Variants in ACSL5 observed in about 807,000 individuals in gnomAD.
ACSL5 encodes acyl-CoA synthetase long chain family member 5.
A neutral mutation model predicts 84.9 loss-of-function variants in ACSL5; 50 were observed. The ratio of observed to expected loss-of-function variants is 0.59; its 90% CI spans 0.47 to 0.75. The LOEUF is 0.75. ACSL5 is among the 30% of genes least tolerant of loss of function. The probability of loss-of-function intolerance (pLI) is 0.00; values close to 1 mark genes in which losing one functional copy is unlikely to be tolerated. For synonymous variants in ACSL5, 280 were observed against 300.7 expected (o/e 0.93, Z 0.71); for missense variants, 775 against 830.4 (o/e 0.93, Z 0.82).
chr10:112,376,583 A>G, intron 1 of ACSL5: 1 of 1,241,854 alleles, frequency 8.1e-7, no homozygotes, highest in Non-Finnish European at 1.1e-6. Flanking sequence ...CCACGGGCAC[A>G]TCATGCTGTC....
intron 17 of ACSL5, among the ~76,000 whole-genome samples, chr10:112,422,809 T>C (rs1564744383): frequency 6.7e-6 from 1 of 149,138 alleles, no homozygotes; most frequent in African/African-American, 2.5e-5. Context: ...TGAGCCAAGA[T>C]TGTGCCACTG....
intron 1 of ACSL5, among the ~76,000 whole-genome samples, chr10:112,382,429 A>G (rs1849368047): frequency 1.3e-5 from 2 of 152,202 alleles, no homozygotes; most frequent in African/African-American, 4.8e-5. Context: ...CTCAGGTGCC[A>G]TGCTAGGTGC....
At chr10:112,418,896 C>A (rs1018682972) in intron 14 of ACSL5, 3 of 148,992 alleles carry the variant, frequency 2.0e-5, no homozygotes, top group Non-Finnish European at 4.5e-5. Context: ...TCAGGGGCAG[C>A]ACAGACAGAA....
In ACSL5 at chr10:112,410,469, G is replaced by A. The variant is rs1261090633; in HGVS notation, c.718G>A (p.Gly240Ser). ...ILSLYDAENL[G>S]KEHFRKPVPP... ...TGGTTTTCCATTCACATAGAACCTA[G>A]GCAAAGAGCACTTCAGAAAACCTGT... Residue 240 changes from glycine (G) to serine (S), a missense_variant, in exon 8 of 21, where the codon GGC becomes AGC. Coordinates refer to ENST00000354655, the MANE Select transcript of ACSL5 (RefSeq NM_203379.2). 1 of 1,613,994 alleles carries A rather than the reference G, an allele frequency of 6.2e-7. No individual in the cohort carries two copies. The highest frequency in any genetic ancestry group is 8.5e-7 in the Non-Finnish European group (1 of 1,180,008).
chr10:112,393,304 C>A (rs1307969018), intron 1 of ACSL5, among the ~76,000 whole-genome samples: 1 of 152,056 alleles, frequency 6.6e-6, no homozygotes, highest in Non-Finnish European at 1.5e-5. Flanking sequence ...ATGGAAAGAA[C>A]CAAGGAGTTG....
chr10:112,413,215 G>T lies in ACSL5; in HGVS notation c.991G>T (p.Gly331Trp), dbSNP rs759863665. The T allele has an allele frequency of 1.9e-6, 3 of 1,614,180 alleles. No individual in the cohort carries two copies. Among genetic ancestry groups the T allele is most frequent in the Non-Finnish European group, 8.5e-7 (1 of 1,180,010 alleles). Residue 331 changes from glycine (G) to tryptophan (W), a missense_variant, in exon 12 of 21, where the codon GGG (glycine) becomes TGG (tryptophan). Physicochemically the swap from Gly to Trp is radical, Grantham distance 184 (BLOSUM62 -2). Transcript: ENST00000354655. ...SCGARVGFFQ[G>W]DIRLLADDMK... The stretch of plus-strand genomic sequence containing the variant: ...TGGAGCCAGAGTTGGATTCTTCCAA[G>T]GGGATATTCGGTTGCTGGCTGACGA...
chr10:112,413,576 A>C (rs1053549405), intron 12 of ACSL5, among the ~76,000 whole-genome samples: 1 of 152,016 alleles, frequency 6.6e-6, no homozygotes, highest in African/African-American at 2.4e-5. Context: ...AAATACAAAA[A>C]TTAGCTGGAC....
chr10:112,408,236 C>T (rs1188665462), intron 5 of ACSL5, among the ~76,000 whole-genome samples, 186 bp from the exon 6 acceptor site: 4 of 150,124 alleles, frequency 2.7e-5, no homozygotes, highest in Non-Finnish European at 5.9e-5. Context: ...AAGGTTGAGG[C>T]TGCAGTGAGC....
chr10:112,419,289 T>C (rs1185503046), intron 14 of ACSL5: 1 of 152,216 alleles, frequency 6.6e-6, no homozygotes, highest in East Asian at 1.9e-4. Flanking sequence ...ATTACAGTTT[T>C]GTTTCTTTTA....
At chr10:112,414,127 T>C (rs1844257141) in intron 12 of ACSL5, among the ~76,000 whole-genome samples, 1 of 152,126 alleles carries the variant, frequency 6.6e-6, no homozygotes, top group Non-Finnish European at 1.5e-5. Context: ...TGCTCTATTT[T>C]TCATTAGAAA....
At chr10:112,385,467 C>T (rs772299636) in intron 1 of ACSL5, among the ~76,000 whole-genome samples, 29 of 152,186 alleles carry the variant, frequency 1.9e-4, no homozygotes, top group African/African-American at 3.4e-4. Context: ...TAAGAGACAG[C>T]GTCAAATGTA....
intron 19 of ACSL5, 181 bp from the exon 20 acceptor site, chr10:112,426,607 C>G (rs1342268651): frequency 1.6e-6 from 1 of 636,078 alleles, no homozygotes. Context: ...ACTGTTAACA[C>G]TTAGATGTGC....
At chr10:112,422,517 C>T (rs1844490790) in intron 17 of ACSL5, 76 bp downstream of exon 17, 5 of 1,395,682 alleles carry the variant, frequency 3.6e-6, no homozygotes, top group Non-Finnish European at 5.0e-6. Context: ...GCAAGAGGTG[C>T]AGAAATGCAA....
chr10:112,422,107 A>T, intron 16 of ACSL5, 72 bp downstream of exon 16: 1 of 1,541,736 alleles, frequency 6.5e-7, no homozygotes, highest in Non-Finnish European at 9.0e-7. Flanking sequence ...AAATAATTGT[A>T]AGCAAACTTG....
At position 112,401,848 on chromosome 10, in the gene ACSL5, C is replaced by T. The variant is rs555406303; in HGVS notation, c.266-2663C>T. On this transcript the variant is annotated intron_variant, in intron 3 of 20. Transcript: ENST00000354655. The stretch of plus-strand genomic sequence containing the variant: ...TCTTTCTTTCTTTCTTTCTTCCTTC[C>T]TTCCTTCCTTTCTTTCTTTCTTTTT... Among the ~76,000 whole-genome samples, 240 of 76,534 alleles carry T rather than the reference C, an allele frequency of 3.1e-3. 1 individual carries two copies. The highest frequency in any genetic ancestry group is 8.6e-3 in the African/African-American group (234 of 27,170). The allele number at this position is 76,534 out of a possible 152,430, so 50.2% of individuals were successfully genotyped here. A position where few individuals can be genotyped will look rare whatever the true frequency, so the allele number is the denominator to read the frequency against.
At position 112,385,444 on chromosome 10, in the gene ACSL5, A is replaced by G. The variant is rs114951454; in HGVS notation, c.-29-9474A>G. Among the ~76,000 whole-genome samples, 706 of 152,318 alleles carry G rather than the reference A, an allele frequency of 4.6e-3. 8 individuals are homozygous for G. The highest frequency in any genetic ancestry group is 0.016 in the African/African-American group (677 of 41,564). Reference sequence around the variant, plus strand: ...TACATTTTATGATGTGTAGAGGGCAATAGGGACTTCTTTAAGAGACAGCGT... The same window carrying G: ...TACATTTTATGATGTGTAGAGGGCAGTAGGGACTTCTTTAAGAGACAGCGT... On this transcript the variant is annotated intron_variant, in intron 1 of 20. Transcript: ENST00000354655.
intron 12 of ACSL5, among the ~76,000 whole-genome samples, chr10:112,416,569 TG>T (rs1302210585): frequency 6.6e-6 from 1 of 150,978 alleles, no homozygotes; most frequent in African/African-American, 2.4e-5. Context: ...CTGTGTTTTT[TG>T]TTTGTTTGTT....
At chr10:112,392,777 T>C (rs960712108) in intron 1 of ACSL5, among the ~76,000 whole-genome samples, 3 of 149,928 alleles carry the variant, frequency 2.0e-5, no homozygotes, top group Non-Finnish European at 4.4e-5. Context: ...TAACTGGGTG[T>C]GGTGGCACAC....
intron 3 of ACSL5, among the ~76,000 whole-genome samples, chr10:112,400,315 A>G (rs1314405537): frequency 6.6e-6 from 1 of 151,976 alleles, no homozygotes; most frequent in Admixed American, 6.6e-5. Flanking sequence ...TCTTGGACTC[A>G]AGCAATCCTC....
Sources: allele counts gnomAD v4.1 joint callset (sites outside exome capture counted in the v4.1 genomes callset), GRCh38; gene constraint gnomAD v4.1.1; transcripts MANE v1.5; gene names NCBI Gene and HGNC (gene_info 2026-07-23, HGNC 2026-07-21).